AFF4: variants seen among roughly 807,000 people sequenced by gnomAD.
AFF4 encodes ALF transcription elongation factor 4.
In AFF4, 13 loss-of-function variants were observed where a neutral mutation model predicts 124.8. The ratio of observed to expected loss-of-function variants is 0.10; its 90% CI spans 0.07 to 0.17. AFF4 has a LOEUF of 0.17. AFF4 is among the 10% of genes least tolerant of loss of function. The pLI is 1.00. For synonymous variants in AFF4, 477 were observed against 496.1 expected (o/e 0.96, Z 0.51); for missense variants, 1,092 against 1,403.8 (o/e 0.78, Z 3.55).
chr5:132,937,842 G>A (rs1761468071), intron 1 of AFF4: 1 of 152,076 alleles, frequency 6.6e-6, no homozygotes. Context: ...AAATTAACTT[G>A]GATTAGTAAC....
Position 132,899,578 on chromosome 5 carries a change from T to TA in AFF4, c.1188+8dup. ...TGAGACTGGCAAAATAATACAATAG[T>TA]AGACACACCTGTTCCCCATCACTGT... On this transcript the variant is annotated intron_variant, in intron 8 of 20. Transcript: ENST00000265343. The TA allele has an allele frequency of 6.2e-7, 1 of 1,608,508 alleles. No homozygotes were observed. Among genetic ancestry groups the TA allele is most frequent in the Non-Finnish European group, 8.5e-7 (1 of 1,176,698 alleles).
At chr5:132,923,387 AGAG>A (rs1194929484) in intron 5 of AFF4, among the ~76,000 whole-genome samples, 2,491 of 151,908 alleles carry the variant, frequency 0.016, 69 homozygotes, top group African/African-American at 0.056. Flanking sequence ...AGAGAGAGAG[AGAG>A]AGAGAGAGAA....
chr5:132,932,084 A>G, intron 4 of AFF4, 94 bp downstream of exon 4: 1 of 774,828 alleles, frequency 1.3e-6, no homozygotes, highest in Non-Finnish European at 2.0e-6. Context: ...CTGTTGCTTC[A>G]GATCCTTTGT....
intron 3 of AFF4, 127 bp downstream of exon 3, chr5:132,934,020 C>T: frequency 9.0e-7 from 1 of 1,116,960 alleles, no homozygotes; most frequent in African/African-American, 1.6e-5. Context: ...ACATTTTTTT[C>T]ATCTTTCAAC....
rs143888481 is a variant in AFF4, at chr5:132,880,531, G to A, written c.*528C>T. 2.5e-6 allele frequency: 1 copy of A among 394,250 alleles called. No homozygotes were observed. Among genetic ancestry groups the A allele is most frequent in the East Asian group, 3.6e-5 (1 of 27,800 alleles). 24.4% of individuals were successfully genotyped at this position (394,250 alleles called of 1,614,324 possible). A position where few individuals can be genotyped will look rare whatever the true frequency, so the allele number is the denominator to read the frequency against. ...TTGGAGTTAAGATTTCAAATATCAG[G>A]TCAGGTAGCAGGTGTAGAAAGAATA... On this transcript the variant is annotated 3_prime_UTR_variant, in exon 21 of 21. Coordinates refer to ENST00000265343, the MANE Select transcript of AFF4 (RefSeq NM_014423.4).
chr5:132,905,500 A>C (rs1405394635), intron 5 of AFF4, among the ~76,000 whole-genome samples: 1 of 152,248 alleles, frequency 6.6e-6, no homozygotes, highest in Non-Finnish European at 1.5e-5. Context: ...CGGTTAAAAA[A>C]CATTAAAAAC....
rs12513758 is a variant in AFF4, at chr5:132,904,247, C to G, written c.1087+121G>C. On this transcript the variant is annotated intron_variant, in intron 6 of 20. Transcript: ENST00000265343. ...ACTCCAGAAAAAAAAAAAAAGAAAA[C>G]AAAAATGAAAAAGGATATGACATGT... 0.15 allele frequency: 120,877 copies of G among 821,236 alleles called. 10,149 individuals are homozygous for G. Among genetic ancestry groups the G allele is most frequent in the South Asian group, 0.21 (10,796 of 51,658 alleles). 50.9% of individuals were successfully genotyped at this position (821,236 alleles called of 1,614,324 possible). A position where few individuals can be genotyped will look rare whatever the true frequency, so the allele number is the denominator to read the frequency against.
intron 5 of AFF4, among the ~76,000 whole-genome samples, chr5:132,924,671 T>C (rs564270824): frequency 6.6e-6 from 1 of 151,964 alleles, no homozygotes; most frequent in Admixed American, 6.5e-5. Context: ...CTGGTCAACA[T>C]GGTGAAACCC....
chr5:132,918,888 GTTT>G (rs34475797), intron 5 of AFF4, among the ~76,000 whole-genome samples: 3 of 138,698 alleles, frequency 2.2e-5, no homozygotes, highest in Non-Finnish European at 1.6e-5. Flanking sequence ...TTGTTTGTTT[GTTT>G]TTTTTTTTTT....
At position 132,877,481 on chromosome 5, in the gene AFF4, AACAC is replaced by A; in HGVS notation, c.*3574_*3577del. 1 of 214,494 alleles carries A rather than the reference AACAC, an allele frequency of 4.7e-6. No homozygotes were observed. The highest frequency in any genetic ancestry group is 9.4e-6 in the Non-Finnish European group (1 of 106,006). 13.3% of individuals were successfully genotyped at this position (214,494 alleles called of 1,614,324 possible). A position where few individuals can be genotyped will look rare whatever the true frequency, so the allele number is the denominator to read the frequency against. The stretch of plus-strand genomic sequence containing the variant: ...ATAGTTGCACTAAGCTAAAATACTA[AACAC>A]ACACATATTTGACAAACTAATTTCA... On this transcript the variant is annotated 3_prime_UTR_variant, in exon 21 of 21. Coordinates refer to ENST00000265343, the MANE Select transcript of AFF4 (RefSeq NM_014423.4).
intron 5 of AFF4, among the ~76,000 whole-genome samples, chr5:132,912,300 C>T (rs1473325503): frequency 6.6e-6 from 1 of 151,980 alleles, no homozygotes; most frequent in African/African-American, 2.4e-5. Flanking sequence ...CAAGATTGCA[C>T]CACTGCACTC....
chr5:132,878,521 G>A lies in AFF4; in HGVS notation c.*2538C>T, dbSNP rs1046169101. On this transcript the variant is annotated 3_prime_UTR_variant, in exon 21 of 21. Coordinates refer to ENST00000265343, the MANE Select transcript of AFF4 (RefSeq NM_014423.4). ...TGTAAAGGAGTCCAAAGTATGTGCTGGAGCAGATGATGACAAAGACAGAAC... is the reference window on the plus strand; with the variant it reads ...TGTAAAGGAGTCCAAAGTATGTGCTAGAGCAGATGATGACAAAGACAGAAC... 9 of 232,370 alleles carry A rather than the reference G, an allele frequency of 3.9e-5. No individual in the cohort carries two copies. The Middle Eastern group carries it at 5.1e-3, about 132-fold the overall frequency. 14.4% of individuals were successfully genotyped at this position (232,370 alleles called of 1,614,324 possible).
chr5:132,963,608 A>G lies in AFF4; in HGVS notation c.-354T>C, dbSNP rs2150119498. 2 of 397,238 alleles carry G rather than the reference A, an allele frequency of 5.0e-6. No individual in the cohort carries two copies. The highest frequency in any genetic ancestry group is 4.4e-6 in the Non-Finnish European group (1 of 225,344). The allele number at this position is 397,238 out of a possible 1,614,324, so 24.6% of individuals were successfully genotyped here. On this transcript the variant is annotated 5_prime_UTR_variant, in exon 1 of 21. Transcript: ENST00000265343. Reference sequence around the variant, plus strand: ...CGCTGGCGGCGGCGACGGCAGCTGGACTCCTGCAGCCAGGGCTGTGACTGA... The same window carrying G: ...CGCTGGCGGCGGCGACGGCAGCTGGGCTCCTGCAGCCAGGGCTGTGACTGA...
Position 132,934,939 on chromosome 5 carries a change from A to T in AFF4, c.126T>A (p.Thr42=), listed in dbSNP as rs1418324753. 1 of 1,529,966 alleles carries T rather than the reference A, an allele frequency of 6.5e-7. No individual in the cohort carries two copies. Among genetic ancestry groups the T allele is most frequent in the Non-Finnish European group, 8.8e-7 (1 of 1,139,096 alleles). The allele number at this position is 1,529,966 out of a possible 1,614,324, so 94.8% of individuals were successfully genotyped here. Residue 42 remains threonine, a splice_region_variant and synonymous_variant, in exon 3 of 21, where the codon ACT becomes ACA. Coordinates refer to ENST00000265343, the MANE Select transcript of AFF4 (RefSeq NM_014423.4). Reference sequence around the variant, plus strand: ...GACTTGATAACTTATCTTCTTTGCTAGTCTACAAAAAAATAAAATAAAATA... The same window carrying T: ...GACTTGATAACTTATCTTCTTTGCTTGTCTACAAAAAAATAAAATAAAATA... ...SPLFAEPYKV[T]SKEDKLSSRI... is the part of the protein sequence containing the mutation.
At chr5:132,960,625 G>A (rs1356427096) in intron 1 of AFF4, among the ~76,000 whole-genome samples, 1 of 152,144 alleles carries the variant, frequency 6.6e-6, no homozygotes, top group Non-Finnish European at 1.5e-5. Context: ...AAACTGACAG[G>A]TTTTTCCCTT....
At chr5:132,908,618 A>G (rs1273308270) in intron 5 of AFF4, among the ~76,000 whole-genome samples, 1 of 151,694 alleles carries the variant, frequency 6.6e-6, no homozygotes, top group African/African-American at 2.4e-5. Context: ...TACAGTATTC[A>G]TATTAGAACT....
At chr5:132,924,853 A>G (rs1168386902) in intron 5 of AFF4, among the ~76,000 whole-genome samples, 1 of 151,730 alleles carries the variant, frequency 6.6e-6, no homozygotes, top group East Asian at 1.9e-4. Flanking sequence ...ACAAACTAAC[A>G]AAAAACAAAA....
chr5:132,885,162 CACT>C, intron 18 of AFF4, 43 bp from the exon 19 acceptor site: 1 of 1,437,514 alleles, frequency 7.0e-7, no homozygotes, highest in Non-Finnish European at 9.6e-7. Context: ...CAAAAACCAC[CACT>C]ACTTTAAGAA....
rs200186886 is a variant in AFF4, at chr5:132,934,612, G to A, written c.453C>T (p.His151=). ...CACTATTGTTATATGACTCACGGTC[G>A]TGCCTCTGACCACTACTGTTAGTGC... The part of the protein sequence containing the change: ...SSGTNSSGQR[H]DRESYNNSGS... The change falls in exon 3 of 21, where the codon CAC becomes CAT. Residue 151 remains histidine (H), a synonymous_variant. Coordinates refer to ENST00000265343, the MANE Select transcript of AFF4 (RefSeq NM_014423.4). 21 of 1,613,942 alleles carry A rather than the reference G, an allele frequency of 1.3e-5. No individual in the cohort carries two copies. The Admixed American group carries it at 2.8e-4, about 22-fold the overall frequency.
Sources: allele counts gnomAD v4.1 joint callset (sites outside exome capture counted in the v4.1 genomes callset), GRCh38; gene constraint gnomAD v4.1.1; transcripts MANE v1.5; gene names NCBI Gene and HGNC (gene_info 2026-07-23, HGNC 2026-07-21).